The following SPATA24 variants were observed in gnomAD, a reference collection of about 807,000 sequenced individuals.
SPATA24 encodes spermatogenesis-associated protein 24.
In SPATA24, 21 loss-of-function variants were observed where a neutral mutation model predicts 28.9. That is an observed-to-expected ratio of 0.73 (90% confidence interval 0.52 to 1.05). The LOEUF (loss-of-function observed/expected upper bound fraction) is 1.05. Ranked by LOEUF, SPATA24 falls within the 50% of genes least tolerant of loss-of-function variation. SPATA24 has a pLI of 0.00. For synonymous variants in SPATA24, 76 were observed against 89.9 expected (o/e 0.85, Z 0.88); for missense variants, 215 against 242.9 (o/e 0.88, Z 0.76).
chr5:139,402,218 TTTC>T (rs1457178773), intron 2 of SPATA24, among the ~76,000 whole-genome samples, 173 bp from the exon 3 acceptor site: 1 of 151,290 alleles, frequency 6.6e-6, no homozygotes, highest in Non-Finnish European at 1.5e-5. Flanking sequence ...TTTTTTCTTT[TTTC>T]TTTTTTTTTT....
Position 139,402,619 on chromosome 5 carries a change from A to G in SPATA24, c.183+9T>C, listed in dbSNP as rs1758850343. On this transcript the variant is annotated intron_variant, in intron 2 of 5. Transcript: ENST00000450845. ...GGAAGATTAGGAGACCGCAGAGGCCATTACTTACCACCAGCTTCTTCTCCA... is the reference window on the plus strand; with the variant it reads ...GGAAGATTAGGAGACCGCAGAGGCCGTTACTTACCACCAGCTTCTTCTCCA... The G allele has an allele frequency of 1.2e-5, 18 of 1,551,326 alleles. No individual in the cohort carries two copies. The highest frequency in any genetic ancestry group is 3.3e-4 in the Middle Eastern group (2 of 6,016).
intron 4 of SPATA24, 179 bp downstream of exon 4, chr5:139,401,576 T>C (rs1758822050): frequency 2.8e-6 from 2 of 721,804 alleles, no homozygotes; most frequent in Admixed American, 2.0e-5. Context: ...GCTTCCCTCA[T>C]TTCCGTGGCC....
chr5:139,394,290 CG>C, downstream of SPATA24: 4 of 1,521,426 alleles, frequency 2.6e-6, no homozygotes, highest in Non-Finnish European at 2.6e-6. Flanking sequence ...TGCTCGGGGC[CG>C]GGGCCTCGGG....
intron 1 of SPATA24, among the ~76,000 whole-genome samples, chr5:139,403,219 A>G (rs1758860731): frequency 6.6e-6 from 1 of 152,226 alleles, no homozygotes; most frequent in African/African-American, 2.4e-5. Flanking sequence ...AGGGTAGCAA[A>G]TAGGACAGGT....
intron 4 of SPATA24, among the ~76,000 whole-genome samples, chr5:139,399,327 A>T (rs1483221886): frequency 1.3e-5 from 2 of 152,100 alleles, no homozygotes; most frequent in Non-Finnish European, 1.5e-5. Flanking sequence ...AAAAAAAAAA[A>T]AAAAAAGGTT....
intron 5 of SPATA24, 36 bp from the exon 6 acceptor site, chr5:139,396,965 G>A: frequency 6.4e-7 from 1 of 1,551,576 alleles, no homozygotes; most frequent in Non-Finnish European, 8.7e-7. Context: ...GCTGTGGACA[G>A]CCAAGGGTAG....
At chr5:139,403,102 GAC>G (rs1047107997) in intron 1 of SPATA24, among the ~76,000 whole-genome samples, 4 of 152,192 alleles carry the variant, frequency 2.6e-5, no homozygotes, top group African/African-American at 4.8e-5. Context: ...GGATGGTGGG[GAC>G]ACACATGCCA....
chr5:139,396,702 AG>A, downstream of SPATA24: 1 of 1,547,434 alleles, frequency 6.5e-7, no homozygotes, highest in East Asian at 2.4e-5. Flanking sequence ...ACTATCCAAG[AG>A]GGAGGGAAGT....
Position 139,396,952 on chromosome 5 carries a change from T to C in SPATA24, c.489-23A>G, listed in dbSNP as rs1204506749. The C allele has an allele frequency of 1.1e-5, 17 of 1,551,556 alleles. 1 individual carries two copies. The Admixed American group carries it at 3.3e-4, about 30-fold the overall frequency. ...TTCCTGCAACGGAGCCGGCTGGTGG[T>C]GGGCTGTGGACAGCCAAGGGTAGGT... On this transcript the variant is annotated intron_variant, in intron 5 of 5. Transcript: ENST00000450845.
At chr5:139,399,178 G>A (rs1286980954) in intron 4 of SPATA24, among the ~76,000 whole-genome samples, 3 of 152,092 alleles carry the variant, frequency 2.0e-5, no homozygotes, top group Admixed American at 6.6e-5. Context: ...TTAGCCAGGT[G>A]TGGTGGCGGG....
At chr5:139,396,131 A>G (rs1012127916), downstream of SPATA24, 1 of 982,436 alleles carries the variant, frequency 1.0e-6, no homozygotes, top group Non-Finnish European at 1.2e-6. Context: ...TTGGCCTCAA[A>G]CCGACCCAGG....
downstream of SPATA24, chr5:139,394,135 G>T: frequency 6.5e-7 from 1 of 1,547,130 alleles, no homozygotes. Context: ...GCGGAGGCTG[G>T]GCCACGGCCT....
chr5:139,401,676 G>T, intron 4 of SPATA24, 79 bp downstream of exon 4: 1 of 1,444,016 alleles, frequency 6.9e-7, no homozygotes. Context: ...GTGAAACCCT[G>T]CCTTTGACAC....
downstream of SPATA24, chr5:139,394,730 C>A: frequency 6.5e-7 from 1 of 1,532,332 alleles, no homozygotes. Context: ...AACAGGGGTC[C>A]GACGCCGAAG....
At chr5:139,393,988 C>A, downstream of SPATA24, 1 of 1,550,620 alleles carries the variant, frequency 6.4e-7, no homozygotes, top group Non-Finnish European at 8.7e-7. Flanking sequence ...CTGAACAGTT[C>A]GATCCGGCGC....
downstream of SPATA24, chr5:139,396,495 C>G (rs971310566): frequency 3.6e-5 from 43 of 1,200,446 alleles, no homozygotes; most frequent in Non-Finnish European, 4.2e-5. Context: ...AGTTTCTGGT[C>G]AGGGCTTCCG....
At position 139,397,121 on chromosome 5, in the gene SPATA24, C is replaced by T. The variant is rs1399170666; in HGVS notation, c.408G>A (p.Lys136=). The T allele has an allele frequency of 6.4e-6, 10 of 1,551,984 alleles. No individual in the cohort carries two copies. In the East Asian group the frequency reaches 2.4e-4, roughly 38 times the overall value. The change falls in exon 5 of 6, where the codon AAG becomes AAA. Residue 136 remains lysine, a synonymous_variant. Transcript: ENST00000450845. ...CTTTGCCATTAAGTATATCTTCTTG[C>T]TTTATAATGTGAGACTCAATCTCTG... ...KCNEIESHII[K]QEDILNGKEN...
At chr5:139,394,453 A>T (rs1758658998), downstream of SPATA24, 1 of 1,398,872 alleles carries the variant, frequency 7.1e-7, no homozygotes, top group Non-Finnish European at 9.2e-7. Context: ...GCGCAGCTCG[A>T]TCTGACGCTT....
chr5:139,394,591 C>T, downstream of SPATA24: 1 of 1,529,970 alleles, frequency 6.5e-7, no homozygotes, highest in East Asian at 2.5e-5. Flanking sequence ...CCAGCGGGAG[C>T]CACCATCGGG....
Sources: allele counts gnomAD v4.1 joint callset (sites outside exome capture counted in the v4.1 genomes callset), GRCh38; gene constraint gnomAD v4.1.1; transcripts MANE v1.5; gene names NCBI Gene and HGNC (gene_info 2026-07-23, HGNC 2026-07-21).